The following CADM1 variants were observed in gnomAD, a reference collection of about 807,000 sequenced individuals.
CADM1 encodes the protein cell adhesion molecule 1.
In CADM1, 15 loss-of-function variants were observed where a neutral mutation model predicts 53.1. The ratio of observed to expected loss-of-function variants is 0.28; its 90% confidence interval spans 0.19 to 0.44. The LOEUF is 0.44. CADM1 is among the 20% of genes least tolerant of loss of function. The pLI is 1.00. For synonymous variants in CADM1, 281 were observed against 243.0 expected (o/e 1.16, Z -1.45); for missense variants, 434 against 611.3 (o/e 0.71, Z 3.06).
At chr11:115,367,084 A>T (rs893234002) in intron 1 of CADM1, among the ~76,000 whole-genome samples, 2 of 152,254 alleles carry the variant, frequency 1.3e-5, no homozygotes, top group Non-Finnish European at 2.9e-5. Context: ...CACAATGGCC[A>T]TGTGCCAGTG....
chr11:115,306,475 T>A (rs1036981755), intron 1 of CADM1, among the ~76,000 whole-genome samples: 1 of 152,042 alleles, frequency 6.6e-6, no homozygotes, highest in South Asian at 2.1e-4. Flanking sequence ...TTAATGGTCA[T>A]CTACTCACTT....
intron 1 of CADM1, among the ~76,000 whole-genome samples, chr11:115,348,763 C>T (rs1017600282): frequency 2.0e-5 from 3 of 152,060 alleles, no homozygotes; most frequent in Non-Finnish European, 4.4e-5. Context: ...CTCACCACTG[C>T]TCTTGAGGTG....
intron 1 of CADM1, among the ~76,000 whole-genome samples, chr11:115,381,574 T>G (rs900194883): frequency 6.6e-6 from 1 of 152,182 alleles, no homozygotes; most frequent in Non-Finnish European, 1.5e-5. Flanking sequence ...GGAAAGTCAC[T>G]AAGCCTTAGT....
At chr11:115,501,422 G>T (rs1949723820) in intron 1 of CADM1, among the ~76,000 whole-genome samples, 1 of 152,056 alleles carries the variant, frequency 6.6e-6, no homozygotes, top group South Asian at 2.1e-4. Context: ...CCATCCACCA[G>T]CCATCTTCTC....
chr11:115,482,368 G>A (rs1021306656), intron 1 of CADM1, among the ~76,000 whole-genome samples: 1 of 152,218 alleles, frequency 6.6e-6, no homozygotes, highest in Admixed American at 6.5e-5. Context: ...TGATGGAAGA[G>A]AGCCTATATA....
At chr11:115,364,648 G>C (rs1470515540) in intron 1 of CADM1, among the ~76,000 whole-genome samples, 2 of 152,034 alleles carry the variant, frequency 1.3e-5, no homozygotes, top group Non-Finnish European at 2.9e-5. Flanking sequence ...TGGTATCTAT[G>C]ATACTTCTTG....
chr11:115,381,260 C>T (rs542689078), intron 1 of CADM1, among the ~76,000 whole-genome samples: 1 of 149,132 alleles, frequency 6.7e-6, no homozygotes, highest in East Asian at 2.0e-4. Flanking sequence ...CGCCACTGCA[C>T]TGTAGCCTGG....
chr11:115,381,759 C>A (rs563928756), intron 1 of CADM1, among the ~76,000 whole-genome samples: 17 of 152,186 alleles, frequency 1.1e-4, no homozygotes, highest in Non-Finnish European at 1.9e-4. Context: ...TGAGAATGTG[C>A]AAGGCTATGC....
chr11:115,242,079 T>C (rs557448269), intron 1 of CADM1, among the ~76,000 whole-genome samples: 29 of 151,126 alleles, frequency 1.9e-4, no homozygotes, highest in African/African-American at 6.1e-4. Flanking sequence ...GGCAGAGGAT[T>C]AGAAAAGAGG....
intron 1 of CADM1, among the ~76,000 whole-genome samples, chr11:115,340,847 G>C (rs1945428089): frequency 6.7e-6 from 1 of 150,316 alleles, no homozygotes; most frequent in Non-Finnish European, 1.5e-5. Context: ...TTTTAGTAGA[G>C]ACGGGGGTTT....
intron 1 of CADM1, among the ~76,000 whole-genome samples, chr11:115,303,665 T>C (rs138032509): frequency 4.1e-4 from 63 of 152,108 alleles, no homozygotes; most frequent in Non-Finnish European, 8.7e-4. Context: ...CATCTCAATT[T>C]AGGAACTTGA....
At chr11:115,488,725 C>T (rs1011479662) in intron 1 of CADM1, among the ~76,000 whole-genome samples, 3 of 152,206 alleles carry the variant, frequency 2.0e-5, no homozygotes, top group Non-Finnish European at 2.9e-5. Context: ...AGGCAATTAA[C>T]TTTATAAGCT....
chr11:115,424,222 C>T lies in CADM1; in HGVS notation c.124+80049G>A, dbSNP rs574133732. ...TGCTACACATAAACACATTCCAAAG[C>T]CCCAGAAGTAACGTCAGAATACAGC... On this transcript the variant is annotated intron_variant, in intron 1 of 11. Transcript: ENST00000331581. Among the ~76,000 whole-genome samples, 4 of 152,312 alleles carry T rather than the reference C, an allele frequency of 2.6e-5. No individual in the cohort carries two copies. The East Asian group carries it at 7.7e-4, about 29-fold the overall frequency.
At chr11:115,396,937 A>C (rs1947014370) in intron 1 of CADM1, 1 of 151,962 alleles carries the variant, frequency 6.6e-6, no homozygotes, top group Admixed American at 6.6e-5. Flanking sequence ...TGCTGTATTT[A>C]ATAATCTTAT....
At chr11:115,425,490 GTAACCGCATCGTAAC>G (rs1947866838) in intron 1 of CADM1, among the ~76,000 whole-genome samples, 1 of 152,200 alleles carries the variant, frequency 6.6e-6, no homozygotes, top group Non-Finnish European at 1.5e-5. Flanking sequence ...TTGTTGCTAG[GTAACCGCATCGTAAC>G]GAGACATCTC....
intron 1 of CADM1, among the ~76,000 whole-genome samples, chr11:115,285,808 C>T (rs1943714967): frequency 6.6e-6 from 1 of 152,148 alleles, no homozygotes; most frequent in Non-Finnish European, 1.5e-5. Context: ...GCTCTCTCAT[C>T]ATGTGGGTCC....
chr11:115,239,849 A>G (rs1275911144), intron 2 of CADM1, among the ~76,000 whole-genome samples: 1 of 152,112 alleles, frequency 6.6e-6, no homozygotes, highest in African/African-American at 2.4e-5. Flanking sequence ...CAGCATGTGG[A>G]CACTTCTATA....
At chr11:115,314,400 G>A (rs747762729) in intron 1 of CADM1, among the ~76,000 whole-genome samples, 21 of 152,190 alleles carry the variant, frequency 1.4e-4, no homozygotes, top group African/African-American at 2.2e-4. Context: ...AAGTTCACAC[G>A]CATAAAATAA....
chr11:115,317,148 A>C (rs989053585), intron 1 of CADM1, among the ~76,000 whole-genome samples: 4 of 152,202 alleles, frequency 2.6e-5, no homozygotes, highest in African/African-American at 9.6e-5. Context: ...ATAAGCATCT[A>C]GGTCTTCTTC....
Sources: allele counts gnomAD v4.1 joint callset (sites outside exome capture counted in the v4.1 genomes callset), GRCh38; gene constraint gnomAD v4.1.1; transcripts MANE v1.5; gene names NCBI Gene and HGNC (gene_info 2026-07-23, HGNC 2026-07-21).